PKD1: variants seen among roughly 807,000 people sequenced by gnomAD.
PKD1 encodes the protein polycystin 1, transient receptor potential channel interacting.
Under a neutral mutation model 361.7 loss-of-function variants are expected in PKD1, and 81 were observed. The ratio of observed to expected loss-of-function variants is 0.22; its 90% CI spans 0.19 to 0.27. PKD1 has a LOEUF of 0.27. Ranked by LOEUF, PKD1 falls within the 10% of genes least tolerant of loss-of-function variation. The pLI, the probability that PKD1 is intolerant of heterozygous loss-of-function variation, is 1.00. For synonymous variants in PKD1, 3,615 were observed against 2,818.3 expected, an observed-to-expected ratio of 1.28 and a Z score of -8.95; for missense variants, 6,399 against 6,118.3, an observed-to-expected ratio of 1.05 and a Z score of -1.53.
In PKD1 at chr16:2,091,096, G is replaced by A. The variant is rs555865882; in HGVS notation, c.11791C>T (p.Leu3931=). Residue 3931 remains leucine, a synonymous_variant, in exon 43 of 46, where the codon CTG becomes TTG. Transcript: ENST00000262304. The part of the protein sequence containing the change: ...TWHREGRWRV[L]RLGAWARWLL... ...CACCGCGCCCAGGCTCCGAGCCGCA[G>A]CACGCGCCAGCGCCCTTCCCTGTGC... The A allele has an allele frequency of 7.3e-6, 11 of 1,500,638 alleles. No homozygotes were observed. Among genetic ancestry groups the A allele is most frequent in the South Asian group, 6.1e-5 (5 of 81,912 alleles). The allele number at this position is 1,500,638 out of a possible 1,614,324, so 93.0% of individuals were successfully genotyped here. A position where few individuals can be genotyped will look rare whatever the true frequency, so the allele number is the denominator to read the frequency against.
rs769621459 is a variant in PKD1 at position 2,111,403 on chromosome 16, C to T, written c.3764G>A (p.Gly1255Asp). 3 of 1,611,616 alleles carry T rather than the reference C, an allele frequency of 1.9e-6. No individual in the cohort carries two copies. Among genetic ancestry groups the T allele is most frequent in the Non-Finnish European group, 2.5e-6 (3 of 1,179,552 alleles). Reference sequence around the variant, plus strand: ...CACATGCTCCACTGTTGCCTCCGGGCCCGACAGCACGGTGCCGTCCCCCAT... The same window carrying T: ...CACATGCTCCACTGTTGCCTCCGGGTCCGACAGCACGGTGCCGTCCCCCAT... ...FDMGDGTVLS[G>D]PEATVEHVYL... The change falls in exon 15 of 46, where the codon GGC (glycine) becomes GAC (aspartate). Residue 1255 changes from glycine to aspartate, a missense_variant. Physicochemically the swap from Gly to Asp is moderately conservative, Grantham distance 94. Transcript: ENST00000262304.
intron 34 of PKD1, chr16:2,096,876 A>C (rs2091869384): frequency 1.8e-6 from 1 of 544,672 alleles, no homozygotes; most frequent in Admixed American, 3.3e-5. Flanking sequence ...CCAAGATAAA[A>C]ACGTGGCCCC....
Position 2,093,524 on chromosome 16 carries a change from C to T in PKD1, c.11016+20G>A, listed in dbSNP as rs1209048989. The T allele has an allele frequency of 1.9e-6, 3 of 1,583,436 alleles. No homozygotes were observed. The highest frequency in any genetic ancestry group is 2.6e-6 in the Non-Finnish European group (3 of 1,164,732). ...ACAAGAGACGGAGGTGGCAGGGGCA[C>T]AGGCCGCACCCAGGCTCACCCGCAG... On this transcript the variant is annotated intron_variant, in intron 37 of 45. Transcript: ENST00000262304.
At chr16:2,113,384 T>A (rs2092570190) in intron 11 of PKD1, 92 bp from the exon 12 acceptor site, 1 of 1,230,522 alleles carries the variant, frequency 8.1e-7, no homozygotes, top group Non-Finnish European at 1.2e-6. Flanking sequence ...GGCTGGAGAG[T>A]CCCACGCGGG....
At position 2,097,890 on chromosome 16, in the gene PKD1, G is replaced by T. The variant is rs776463508; in HGVS notation, c.10145C>A (p.Thr3382Lys). The T allele has an allele frequency of 1.2e-6, 2 of 1,604,098 alleles. No individual in the cohort carries two copies. The highest frequency in any genetic ancestry group is 1.7e-6 in the Non-Finnish European group (2 of 1,173,572). ...DSSVLDSSFL[T>K]FSGLHAEQAF... ...CACCTCAGCGTGGAGGCCTGAGAAC[G>T]TGAGGAAGGAGCTGTCCAGCACGGA... The change falls in exon 31 of 46, where the codon ACG becomes AAG. Residue 3382 changes from threonine to lysine, a missense_variant. Coordinates refer to ENST00000262304, the MANE Select transcript of PKD1 (RefSeq NM_001009944.3).
In PKD1 at chr16:2,110,415, G is replaced by A. The variant is rs776656584; in HGVS notation, c.4752C>T (p.Leu1584=). 6.2e-6 allele frequency: 10 copies of A among 1,612,522 alleles called. No individual in the cohort carries two copies. In the Admixed American group the frequency reaches 1.7e-4, roughly 27 times the overall value. ...CAGGGATGGGCGTGCAGCGGTCACAGAGCACCCAGGAATAGCGCACATCAC... is the reference window on the plus strand; with the variant it reads ...CAGGGATGGGCGTGCAGCGGTCACAAAGCACCCAGGAATAGCGCACATCAC... ...AGSDVRYSWV[L]CDRCTPIPGG... is the part of the protein sequence containing the mutation. Residue 1584 remains leucine (L), a synonymous_variant, in exon 15 of 46, where the codon CTC becomes CTT. Coordinates refer to ENST00000262304, the MANE Select transcript of PKD1 (RefSeq NM_001009944.3).
rs1483279385 is a variant in PKD1, at chr16:2,089,593, C to G, written c.*134G>C. 3 of 1,130,178 alleles carry G rather than the reference C, an allele frequency of 2.7e-6. No homozygotes were observed. In the East Asian group the frequency reaches 7.8e-5, roughly 29 times the overall value. 70.0% of individuals were successfully genotyped at this position (1,130,178 alleles called of 1,614,324 possible). ...TAAAGTGCTGAAGCCCACAGACAGA[C>G]AGATGCCCCTGCCTGCTCTCTGGGG... On this transcript the variant is annotated 3_prime_UTR_variant, in exon 46 of 46. Transcript: ENST00000262304.
rs766375023 is a variant in PKD1, at chr16:2,109,173, G to A, written c.5994C>T (p.Arg1998=). 36 of 1,599,300 alleles carry A rather than the reference G, an allele frequency of 2.3e-5. No individual in the cohort carries two copies. The highest frequency in any genetic ancestry group is 1.8e-4 in the East Asian group (8 of 44,586). The change falls in exon 15 of 46, where the codon CGC becomes CGT. Residue 1998 remains arginine (R), a synonymous_variant. Coordinates refer to ENST00000262304, the MANE Select transcript of PKD1 (RefSeq NM_001009944.3). ...TERNFTARVQ[R]GSRVAYAWYF... is the part of the protein sequence containing the mutation. The stretch of plus-strand genomic sequence containing the variant: ...ACCAGGCGTAGGCGACCCGAGAGCC[G>A]CGCTGCACGCGGGCTGTGAAGTTCC...
rs762574862 is a variant in PKD1 at position 2,109,721 on chromosome 16, A to T, written c.5446T>A (p.Phe1816Ile). 39 of 1,606,410 alleles carry T rather than the reference A, an allele frequency of 2.4e-5. No individual in the cohort carries two copies. Among genetic ancestry groups the T allele is most frequent in the Non-Finnish European group, 3.0e-5 (35 of 1,177,902 alleles). Residue 1816 changes from phenylalanine to isoleucine, a missense_variant, in exon 15 of 46, where the codon TTC (phenylalanine) becomes ATC (isoleucine). By Grantham distance (21) the Phe-to-Ile change is conservative (BLOSUM62 0). Coordinates refer to ENST00000262304, the MANE Select transcript of PKD1 (RefSeq NM_001009944.3). The part of the protein sequence containing the change: ...SIRASEPGGS[F>I]VAAGSSVPFW... ...GGCACAGAGGACCCGGCCGCCACGA[A>T]GCTGCCTCCGGGCTCGCTGGCCCTG...
In PKD1 at chr16:2,091,090, G is replaced by C. The variant is rs772949303; in HGVS notation, c.11797C>G (p.Leu3933Val). The C allele has an allele frequency of 3.3e-6, 5 of 1,503,184 alleles. No individual in the cohort carries two copies. The highest frequency in any genetic ancestry group is 3.5e-6 in the Non-Finnish European group (4 of 1,131,440). The allele number at this position is 1,503,184 out of a possible 1,614,324, so 93.1% of individuals were successfully genotyped here. Residue 3933 changes from leucine to valine, a missense_variant, in exon 43 of 46, where the codon CTC (leucine) becomes GTC (valine). Transcript: ENST00000262304. ...HREGRWRVLR[L>V]GAWARWLLVA... is the part of the protein sequence containing the mutation. ...AGCAGCCACCGCGCCCAGGCTCCGA[G>C]CCGCAGCACGCGCCAGCGCCCTTCC...
Position 2,091,134 on chromosome 16 carries a change from T to C in PKD1, c.11753A>G (p.Glu3918Gly). ...LLFAVHFAVA[E>G]ARTWHREGRW... ...CCCTTCCCTGTGCCAAGTACGGGCC[T>C]CGGCCACGGCGAAGTGCACGGCGAA... Residue 3918 changes from glutamate to glycine, a missense_variant, in exon 43 of 46, where the codon GAG becomes GGG. Coordinates refer to ENST00000262304, the MANE Select transcript of PKD1 (RefSeq NM_001009944.3). 1 of 1,481,598 alleles carries C rather than the reference T, an allele frequency of 6.7e-7. No individual in the cohort carries two copies. Among genetic ancestry groups the C allele is most frequent in the Non-Finnish European group, 8.9e-7 (1 of 1,123,482 alleles). 91.8% of individuals were successfully genotyped at this position (1,481,598 alleles called of 1,614,324 possible). A position where few individuals can be genotyped will look rare whatever the true frequency, so the allele number is the denominator to read the frequency against.
chr16:2,102,272 C>T lies in PKD1; in HGVS notation c.9202-16G>A, dbSNP rs1389523126. 2 of 1,492,608 alleles carry T rather than the reference C, an allele frequency of 1.3e-6. No homozygotes were observed. Among genetic ancestry groups the T allele is most frequent in the Non-Finnish European group, 1.8e-6 (2 of 1,087,266 alleles). 92.5% of individuals were successfully genotyped at this position (1,492,608 alleles called of 1,614,324 possible). A position where few individuals can be genotyped will look rare whatever the true frequency, so the allele number is the denominator to read the frequency against. On this transcript the variant is annotated splice_polypyrimidine_tract_variant and intron_variant, in intron 25 of 45. Coordinates refer to ENST00000262304, the MANE Select transcript of PKD1 (RefSeq NM_001009944.3). ...CTGTCGGCTCCTGTGAGGACACAGC[C>T]GCCGGGCCCAGGAGGTCACGTGCAA...
Position 2,111,320 on chromosome 16 carries a change from G to C in PKD1, c.3847C>G (p.Leu1283Val). The part of the protein sequence containing the change: ...TVGAASPAGH[L>V]ARSLHVLVFV... ...ACCAGCACGTGCAGGCTCCGGGCCA[G>C]GTGGCCGGCGGGGCTGGCCGCACCC... The change falls in exon 15 of 46, where the codon CTG becomes GTG. Residue 1283 changes from leucine (L) to valine (V), a missense_variant. Physicochemically the swap from Leu to Val is conservative, Grantham distance 32 (BLOSUM62 1). Transcript: ENST00000262304. 2.5e-6 allele frequency: 4 copies of C among 1,608,816 alleles called. No individual in the cohort carries two copies. Among genetic ancestry groups the C allele is most frequent in the Non-Finnish European group, 3.4e-6 (4 of 1,178,984 alleles).
At chr16:2,128,504 C>A (rs1220524741) in intron 1 of PKD1, among the ~76,000 whole-genome samples, 1 of 152,052 alleles carries the variant, frequency 6.6e-6, no homozygotes. Context: ...GCACCCTGTG[C>A]GGCTGCAGGG....
chr16:2,088,881 G>GCGCGCGCACA lies in PKD1; in HGVS notation c.*845_*846insTGTGCGCGCG, dbSNP rs142285430. 1.9e-5 allele frequency: 8 copies of GCGCGCGCACA among 421,378 alleles called. No individual in the cohort carries two copies. The highest frequency in any genetic ancestry group is 4.5e-5 in the African/African-American group (2 of 44,578). The allele number at this position is 421,378 out of a possible 1,614,324, so 26.1% of individuals were successfully genotyped here. On this transcript the variant is annotated 3_prime_UTR_variant, in exon 46 of 46. Transcript: ENST00000262304. Reference sequence around the variant, plus strand: ...ACAGCACACTCGCGCGTGCGCGCGCGCACACACACACACACACAGTCACCT... The same window carrying GCGCGCGCACA: ...ACAGCACACTCGCGCGTGCGCGCGCGCGCGCGCACACACACACACACACACACAGTCACCT...
chr16:2,089,460 G>A lies in PKD1; in HGVS notation c.*267C>T, dbSNP rs1472632292. On this transcript the variant is annotated 3_prime_UTR_variant, in exon 46 of 46. Coordinates refer to ENST00000262304, the MANE Select transcript of PKD1 (RefSeq NM_001009944.3). ...ACAGCCCGCTGTACCTGAGGACTCGGGGAAATAAATTAGCATCTCAGAGGC... is the reference window on the plus strand; with the variant it reads ...ACAGCCCGCTGTACCTGAGGACTCGAGGAAATAAATTAGCATCTCAGAGGC... 4 of 544,132 alleles carry A rather than the reference G, an allele frequency of 7.4e-6. No individual in the cohort carries two copies. Among genetic ancestry groups the A allele is most frequent in the Non-Finnish European group, 1.3e-5 (4 of 303,864 alleles). 33.7% of individuals were successfully genotyped at this position (544,132 alleles called of 1,614,324 possible).
At chr16:2,102,329 C>G (rs1596521626) in intron 25 of PKD1, 52 bp downstream of exon 25, 3 of 1,529,552 alleles carry the variant, frequency 2.0e-6, no homozygotes, top group Non-Finnish European at 2.7e-6. Context: ...GCCGAGCCCA[C>G]CCAGGCCCTC....
rs1448756585 is a variant in PKD1, at chr16:2,090,988, C to A, written c.11899G>T (p.Val3967Leu). 6.5e-6 allele frequency: 10 copies of A among 1,536,078 alleles called. No individual in the cohort carries two copies. The highest frequency in any genetic ancestry group is 8.7e-6 in the Non-Finnish European group (10 of 1,146,832). The change falls in exon 43 of 46, where the codon GTG (valine) becomes TTG (leucine). Residue 3967 changes from valine (V) to leucine (L), a missense_variant. Transcript: ENST00000262304. ...GAADRQWTRF[V>L]RGRPRRFTSF... Reference sequence around the variant, plus strand: ...GTGAAGCGGCGCGGGCGGCCGCGCACGAAACGGGTCCACTGGCGGTCAGCG... The same window carrying A: ...GTGAAGCGGCGCGGGCGGCCGCGCAAGAAACGGGTCCACTGGCGGTCAGCG...
Position 2,111,159 on chromosome 16 carries a change from G to C in PKD1, c.4008C>G (p.Asn1336Lys), listed in dbSNP as rs770514810. The C allele has an allele frequency of 8.7e-6, 14 of 1,611,284 alleles. No homozygotes were observed. In the South Asian group the frequency reaches 9.9e-5, roughly 11 times the overall value. Residue 1336 changes from asparagine to lysine, a missense_variant, in exon 15 of 46, where the codon AAC (asparagine) becomes AAG (lysine). Coordinates refer to ENST00000262304, the MANE Select transcript of PKD1 (RefSeq NM_001009944.3). ...CCGTCGGGCACCCCCGCACGGTCGT[G>C]TTGGAGGAGCCATCCCCGAAGGTCC... ...FDWTFGDGSS[N>K]TTVRGCPTVT...
Sources: allele counts gnomAD v4.1 joint callset (sites outside exome capture counted in the v4.1 genomes callset), GRCh38; gene constraint gnomAD v4.1.1; transcripts MANE v1.5; gene names NCBI Gene and HGNC (gene_info 2026-07-23, HGNC 2026-07-21).